The following PTGER3 variants were observed in gnomAD, a reference collection of about 807,000 sequenced individuals.
The protein encoded by PTGER3 is prostaglandin E receptor 3.
A neutral mutation model predicts 34.7 loss-of-function variants in PTGER3; 22 were observed. That is an observed-to-expected ratio of 0.63 (90% CI 0.45 to 0.91). The LOEUF (loss-of-function observed/expected upper bound fraction) is 0.91. PTGER3 is among the 40% of genes least tolerant of loss of function. PTGER3 has a pLI of 0.00. For synonymous variants in PTGER3, 241 were observed against 230.1 expected (o/e 1.05, Z -0.43); for missense variants, 468 against 519.4 (o/e 0.90, Z 0.96).
chr1:70,981,375 CTTT>C (rs1207105475), intron 2 of PTGER3, among the ~76,000 whole-genome samples: 3,630 of 98,150 alleles, frequency 0.037, 46 homozygotes, highest in South Asian at 0.042. Context: ...TTCTTTCTTT[CTTT>C]CTTTCTTTCT....
chr1:70,967,533 T>G (rs542444710), downstream of PTGER3, among the ~76,000 whole-genome samples: 1 of 152,222 alleles, frequency 6.6e-6, no homozygotes, highest in African/African-American at 2.4e-5. Flanking sequence ...AGAAATATTT[T>G]GTATTAATAA....
In PTGER3 at chr1:71,046,992, C is replaced by T. The variant is rs748707585; in HGVS notation, c.586G>A (p.Val196Met). 6.2e-7 allele frequency: 1 copy of T among 1,611,480 alleles called. No individual in the cohort carries two copies. Among genetic ancestry groups the T allele is most frequent in the African/African-American group, 1.3e-5 (1 of 75,056 alleles). Residue 196 changes from valine to methionine, a missense_variant, in exon 1 of 4, where the codon GTG becomes ATG. Val to Met is a conservative substitution (Grantham distance 21). This residue lies in a region of PTGER3 where 204 missense variants were observed against 230.8 expected (regional missense o/e 0.88). Coordinates refer to ENST00000306666, the MANE Select transcript of PTGER3 (RefSeq NM_198719.2). ...GGCCACTGGACGGTGTACTGGCCCA[C>T]GCCCAGCACCGGCAGCAGGGCGAAG... ...LAFALLPVLG[V>M]GQYTVQWPGT...
At chr1:70,862,718 C>A (rs149454398) in intron 4 of PTGER3, among the ~76,000 whole-genome samples, 2 of 151,834 alleles carry the variant, frequency 1.3e-5, no homozygotes, top group Admixed American at 1.3e-4. Flanking sequence ...AGATGAATGG[C>A]GGAAGAGAAG....
At chr1:71,002,633 G>A (rs1178675376) in intron 2 of PTGER3, among the ~76,000 whole-genome samples, 1 of 152,184 alleles carries the variant, frequency 6.6e-6, no homozygotes, top group Non-Finnish European at 1.5e-5. Flanking sequence ...CTCGGACAGG[G>A]ATAAGAGTCA....
intron 4 of PTGER3, among the ~76,000 whole-genome samples, chr1:70,937,331 A>T (rs576370389): frequency 6.6e-6 from 1 of 152,220 alleles, no homozygotes; most frequent in East Asian, 1.9e-4. Flanking sequence ...AACATTCCCA[A>T]TAAACCATTT....
intron 1 of PTGER3, among the ~76,000 whole-genome samples, chr1:71,018,304 T>C (rs1458949365): frequency 6.6e-6 from 1 of 152,206 alleles, no homozygotes; most frequent in Non-Finnish European, 1.5e-5. Flanking sequence ...ATGAATAAAG[T>C]AAAAGTAAAC....
chr1:70,923,330 A>G (rs1041959337), intron 4 of PTGER3, among the ~76,000 whole-genome samples: 1 of 152,114 alleles, frequency 6.6e-6, no homozygotes, highest in African/African-American at 2.4e-5. Context: ...TTGTTATGTG[A>G]AATTGCTATA....
intron 4 of PTGER3, chr1:70,884,103 CA>C: frequency 2.3e-5 from 9 of 390,850 alleles, no homozygotes; most frequent in East Asian, 1.1e-4. Context: ...AACAAACAAA[CA>C]AAAAAGGATC....
chr1:71,032,345 A>G (rs1659483039), intron 1 of PTGER3, among the ~76,000 whole-genome samples: 2 of 152,230 alleles, frequency 1.3e-5, no homozygotes, highest in South Asian at 4.1e-4. Flanking sequence ...TTGAAAATGC[A>G]ACTTTGTCAT....
chr1:70,926,211 G>A (rs1214215998), intron 4 of PTGER3, among the ~76,000 whole-genome samples: 1 of 152,156 alleles, frequency 6.6e-6, no homozygotes, highest in Non-Finnish European at 1.5e-5. Context: ...TTCCAATTCT[G>A]TGAAGCAAGT....
intron 4 of PTGER3, among the ~76,000 whole-genome samples, chr1:70,915,037 T>C (rs1353570968): frequency 6.6e-6 from 1 of 151,976 alleles, no homozygotes. Flanking sequence ...ATACAGTTCC[T>C]GGGACTTACT....
At chr1:70,889,527 A>C (rs1646572519) in intron 4 of PTGER3, among the ~76,000 whole-genome samples, 1 of 152,106 alleles carries the variant, frequency 6.6e-6, no homozygotes, top group Admixed American at 6.5e-5. Flanking sequence ...AATTTAGTAT[A>C]AAATGCAAAG....
At chr1:71,010,331 G>T (rs1657330993) in intron 2 of PTGER3, 6 of 984,682 alleles carry the variant, frequency 6.1e-6, no homozygotes, top group Non-Finnish European at 6.0e-6. Context: ...CACTTTATCA[G>T]CCTGATGGAC....
At position 71,020,697 on chromosome 1, in the gene PTGER3, A is replaced by AGAGTGT. The variant is rs1553177514; in HGVS notation, c.898-8214_898-8213insACACTC. Among the ~76,000 whole-genome samples the AGAGTGT allele has an allele frequency of 1.6e-3, 234 of 144,884 alleles. 1 individual carries two copies. Among genetic ancestry groups the AGAGTGT allele is most frequent in the African/African-American group, 5.7e-3 (223 of 39,406 alleles). On this transcript the variant is annotated intron_variant, in intron 1 of 3. Transcript: ENST00000306666. ...ATGAAGCTTTGGTGTATGTTAGCAG[A>AGAGTGT]GTGTGTGTGTGTGTGTGTGTGTGTG...
intron 2 of PTGER3, among the ~76,000 whole-genome samples, chr1:70,957,190 A>T (rs1261315266): frequency 6.6e-6 from 1 of 152,214 alleles, no homozygotes; most frequent in African/African-American, 2.4e-5. Context: ...CCAAAGAATT[A>T]TGTAAACCTT....
intron 4 of PTGER3, among the ~76,000 whole-genome samples, chr1:70,875,501 C>T (rs1646254048): frequency 1.3e-5 from 2 of 152,096 alleles, no homozygotes; most frequent in South Asian, 4.2e-4. Context: ...TTTAGAGGTA[C>T]ATGTGTAGGT....
At chr1:71,011,305 A>T (rs1265319347) in intron 2 of PTGER3, 2 of 984,922 alleles carry the variant, frequency 2.0e-6, no homozygotes, top group African/African-American at 3.5e-5. Context: ...TATGGAAAGT[A>T]TTCATTGAGT....
At chr1:70,886,612 T>C (rs1646503748) in intron 4 of PTGER3, among the ~76,000 whole-genome samples, 1 of 152,220 alleles carries the variant, frequency 6.6e-6, no homozygotes, top group Non-Finnish European at 1.5e-5. Flanking sequence ...TTCCTCTCTC[T>C]CTTCTCTTCA....
chr1:71,016,129 C>T (rs897258926), intron 1 of PTGER3, among the ~76,000 whole-genome samples: 2 of 152,158 alleles, frequency 1.3e-5, no homozygotes, highest in Admixed American at 6.6e-5. Context: ...GACGGGGTCT[C>T]ACTATGTTAA....
Sources: gnomAD v4.1 joint callset for allele counts (sites outside exome capture counted in the v4.1 genomes callset) on GRCh38, gnomAD v4.1.1 for gene constraint, gnomAD v4.1.1 regional missense constraint, MANE v1.5 for transcripts, NCBI Gene and HGNC (gene_info 2026-07-23, HGNC 2026-07-21) for gene names.